Variants in KNL1 observed in about 807,000 individuals in gnomAD.
The protein encoded by KNL1 is outer kinetochore KNL1 complex subunit KNL1.
Under a neutral mutation model 201.3 loss-of-function variants are expected in KNL1, and 66 were observed. That is an observed-to-expected ratio of 0.33 (90% CI 0.27 to 0.40). KNL1 has a LOEUF of 0.40. Ranked by LOEUF, KNL1 falls within the 10% of genes least tolerant of loss-of-function variation. The pLI is 1.00. For missense variants in KNL1, 2,815 were observed against 2,690.5 expected, an observed-to-expected ratio of 1.05 and a Z score of -1.02; for synonymous variants, 895 against 899.2, an observed-to-expected ratio of 1.00 and a Z score of 0.08.
intron 4 of KNL1, among the ~76,000 whole-genome samples, chr15:40,608,244 C>T (rs1892038430): frequency 1.3e-5 from 2 of 151,732 alleles, no homozygotes; most frequent in African/African-American, 2.4e-5. Context: ...AAAGCTGAGG[C>T]GGGAGGATCA....
Position 40,625,172 on chromosome 15 carries a change from G to A in KNL1, c.4908G>A (p.Pro1636=), listed in dbSNP as rs745736623. Residue 1636 remains proline (P), a synonymous_variant, in exon 10 of 26, where the codon CCG becomes CCA. Coordinates refer to ENST00000399668, the MANE Select transcript of KNL1 (RefSeq NM_144508.5). ...SHNGAETTSL[P]PKTVFKDKVR... is the part of the protein sequence containing the mutation. ...ATGGAGCTGAAACCACCTCTCTACC[G>A]CCAAAGACAGTTTTTAAAGATAAAG... is the stretch of plus-strand genomic sequence containing the variant. 1.5e-5 allele frequency: 25 copies of A among 1,613,800 alleles called. No individual in the cohort carries two copies. Among genetic ancestry groups the A allele is most frequent in the Middle Eastern group, 1.6e-4 (1 of 6,084 alleles).
intron 1 of KNL1, among the ~76,000 whole-genome samples, chr15:40,600,627 G>C (rs1372749347): frequency 1.3e-5 from 2 of 152,186 alleles, no homozygotes; most frequent in African/African-American, 2.4e-5. Flanking sequence ...TTTACTTATT[G>C]CTAAAAGCAA....
intron 6 of KNL1, among the ~76,000 whole-genome samples, chr15:40,611,079 C>T (rs1039367652): frequency 6.7e-6 from 1 of 149,214 alleles, no homozygotes; most frequent in Non-Finnish European, 1.5e-5. Context: ...TGTTAATGTC[C>T]TTAAGTAATT....
At chr15:40,626,198 G>A (rs528783818) in intron 10 of KNL1, among the ~76,000 whole-genome samples, 1 of 152,082 alleles carries the variant, frequency 6.6e-6, no homozygotes, top group Non-Finnish European at 1.5e-5. Flanking sequence ...TGTTGCCCAG[G>A]CTGGAGTGCA....
intron 20 of KNL1, among the ~76,000 whole-genome samples, 162 bp from the exon 21 acceptor site, chr15:40,651,842 AG>A (rs1349656125): frequency 5.9e-5 from 9 of 152,232 alleles, no homozygotes; most frequent in Admixed American, 2.0e-4. Flanking sequence ...TTATTTCAAA[AG>A]CTTAAGTTTG....
chr15:40,638,176 A>G (rs976906624), intron 13 of KNL1, among the ~76,000 whole-genome samples: 4 of 146,898 alleles, frequency 2.7e-5, no homozygotes, highest in African/African-American at 1.0e-4. Flanking sequence ...TGACAGAGTG[A>G]GACTCTATCT....
intron 2 of KNL1, among the ~76,000 whole-genome samples, chr15:40,603,534 G>C (rs1289052152): frequency 6.6e-6 from 1 of 152,186 alleles, no homozygotes; most frequent in Non-Finnish European, 1.5e-5. Context: ...GGCACTTTGA[G>C]AGGCTTAGGC....
chr15:40,597,125 C>T (rs901071363), intron 1 of KNL1, among the ~76,000 whole-genome samples: 2 of 152,008 alleles, frequency 1.3e-5, no homozygotes, highest in East Asian at 1.9e-4. Context: ...GTAGTTCACA[C>T]AGTACCTGAC....
chr15:40,618,942 TTC>T lies in KNL1; in HGVS notation c.323-15_323-14del. 1 of 1,566,532 alleles carries T rather than the reference TTC, an allele frequency of 6.4e-7. No individual in the cohort carries two copies. Among genetic ancestry groups the T allele is most frequent in the Non-Finnish European group, 8.8e-7 (1 of 1,141,890 alleles). On this transcript the variant is annotated splice_polypyrimidine_tract_variant and intron_variant, in intron 8 of 25. Coordinates refer to ENST00000399668, the MANE Select transcript of KNL1 (RefSeq NM_144508.5). ...TGTTATATTTTCTGACTACAGTTTT[TTC>T]TTTTTTCTAAATAGGGATGAACACA... is the stretch of plus-strand genomic sequence containing the variant.
In KNL1 at chr15:40,645,021, A is replaced by G; in HGVS notation, c.5823A>G (p.Gln1941=). The change falls in exon 15 of 26, where the codon CAA becomes CAG. Residue 1941 remains glutamine, a synonymous_variant. Transcript: ENST00000399668. ...GATTAAAGCTTTCTGCATCGAACCA[A>G]GATAAGCTGTTGGTTGATATAAATA... The part of the protein sequence containing the change: ...IEELKLSASN[Q]DKLLVDINKN... 1 of 1,612,040 alleles carries G rather than the reference A, an allele frequency of 6.2e-7. No individual in the cohort carries two copies. Among genetic ancestry groups the G allele is most frequent in the African/African-American group, 1.3e-5 (1 of 75,022 alleles).
Position 40,645,529 on chromosome 15 carries a change from C to T in KNL1, c.5890-127C>T, listed in dbSNP as rs6492959. On this transcript the variant is annotated intron_variant, in intron 15 of 25. Transcript: ENST00000399668. The stretch of plus-strand genomic sequence containing the variant: ...TCTTTTTTCTGGTCTTAGACAATTA[C>T]ATGGAATTAAATTTGCAAATGACAA... 0.99 allele frequency: 481,421 copies of T among 488,276 alleles called. 237,573 individuals carry two copies. Among genetic ancestry groups the T allele is most frequent in the Non-Finnish European group, 1 (271,127 of 271,164 alleles). The allele number at this position is 488,276 out of a possible 1,614,324, so 30.2% of individuals were successfully genotyped here.
Position 40,621,663 on chromosome 15 carries a change from G to A in KNL1, c.1399G>A (p.Asp467Asn). Residue 467 changes from aspartate to asparagine, a missense_variant, in exon 10 of 26, where the codon GAT becomes AAT. Asp to Asn is a conservative substitution (Grantham distance 23). This residue lies in a region of KNL1 where 2,464 missense variants were observed against 2,291.7 expected (regional missense o/e 1.08). Transcript: ENST00000399668. The part of the protein sequence containing the change: ...SNYAKMYCNP[D>N]AMSSLTEKTI... The stretch of plus-strand genomic sequence containing the variant: ...TTATGCTAAAATGTATTGCAATCCA[G>A]ATGCTATGTCTTCTCTCACAGAGAA... 6.2e-7 allele frequency: 1 copy of A among 1,612,962 alleles called. No homozygotes were observed.
intron 19 of KNL1, 127 bp downstream of exon 19, chr15:40,650,710 C>T: frequency 1.3e-6 from 1 of 782,746 alleles, no homozygotes; most frequent in East Asian, 3.1e-5. Context: ...CAGGGCTTCT[C>T]CACTTTGAAT....
intron 2 of KNL1, 27 bp from the exon 3 acceptor site, chr15:40,605,083 G>A (rs1242594895): frequency 1.7e-6 from 2 of 1,200,860 alleles, no homozygotes; most frequent in Admixed American, 1.7e-5. Context: ...AAATCACTGT[G>A]TATATAATTT....
chr15:40,594,632 C>G (rs1338192962), intron 1 of KNL1, among the ~76,000 whole-genome samples: 1 of 152,194 alleles, frequency 6.6e-6, no homozygotes, highest in Non-Finnish European at 1.5e-5. Flanking sequence ...GCACCTCGGC[C>G]CCTCCGGCCA....
rs765141534 is a variant in KNL1 at position 40,624,663 on chromosome 15, C to T, written c.4399C>T (p.Leu1467=). Residue 1467 remains leucine (L), a synonymous_variant, in exon 10 of 26, where the codon CTG becomes TTG. Coordinates refer to ENST00000399668, the MANE Select transcript of KNL1 (RefSeq NM_144508.5). The stretch of plus-strand genomic sequence containing the variant: ...TAGTATCAATAAAGAAGAAGTAATA[C>T]TGTCTAAAGCTGGAAATAAGAGTTT... The part of the protein sequence containing the change: ...QSSINKEEVI[L]SKAGNKSLNI... 6.2e-7 allele frequency: 1 copy of T among 1,612,902 alleles called. No individual in the cohort carries two copies. The highest frequency in any genetic ancestry group is 8.5e-7 in the Non-Finnish European group (1 of 1,179,562).
intron 1 of KNL1, among the ~76,000 whole-genome samples, chr15:40,596,976 G>C (rs1473206573): frequency 7.0e-6 from 1 of 143,838 alleles, no homozygotes; most frequent in Non-Finnish European, 1.5e-5. Flanking sequence ...CTCCAGCCTG[G>C]GCAACAAGAG....
intron 4 of KNL1, among the ~76,000 whole-genome samples, chr15:40,606,839 A>G (rs1033697750): frequency 3.9e-5 from 6 of 152,160 alleles, no homozygotes; most frequent in African/African-American, 1.4e-4. Context: ...GGCTCACTGC[A>G]ACCTCCTCCC....
intron 19 of KNL1, among the ~76,000 whole-genome samples, chr15:40,650,894 T>C (rs1480076235): frequency 6.6e-6 from 1 of 152,176 alleles, no homozygotes; most frequent in Non-Finnish European, 1.5e-5. Flanking sequence ...CCTATGAATC[T>C]TATTCAACTG....
Sources: gnomAD v4.1 joint callset for allele counts (sites outside exome capture counted in the v4.1 genomes callset) on GRCh38, gnomAD v4.1.1 for gene constraint, gnomAD v4.1.1 regional missense constraint, MANE v1.5 for transcripts, NCBI Gene and HGNC (gene_info 2026-07-23, HGNC 2026-07-21) for gene names.